The following CRADD variants were observed in gnomAD, a reference collection of about 807,000 sequenced individuals.
CRADD encodes CARD and death domain containing adaptor protein.
A neutral mutation model predicts 15.5 loss-of-function variants in CRADD; 9 were observed. The observed-to-expected ratio is 0.58, with a 90% CI of 0.35 to 1.01. The LOEUF is 1.01. Among genes scored for constraint, CRADD ranks in the 50% least tolerant of loss-of-function variants. The pLI, the probability that CRADD is intolerant of heterozygous loss-of-function variation, is 0.02. For missense variants in CRADD, 227 were observed against 250.3 expected (o/e 0.91, Z 0.63); for synonymous variants, 118 against 107.6 (o/e 1.10, Z -0.60).
At chr12:93,729,675 C>T (rs1234010512) in intron 2 of CRADD, among the ~76,000 whole-genome samples, 1 of 151,624 alleles carries the variant, frequency 6.6e-6, no homozygotes, top group African/African-American at 2.4e-5. Context: ...ATCCCAGCTA[C>T]TCGGGAGGCT....
intron 2 of CRADD, among the ~76,000 whole-genome samples, chr12:93,751,721 C>G (rs771413770): frequency 1.1e-4 from 17 of 152,108 alleles, no homozygotes; most frequent in Non-Finnish European, 2.5e-4. Context: ...AAAAATTAGC[C>G]AGGGTGGTGG....
intron 2 of CRADD, among the ~76,000 whole-genome samples, chr12:93,739,981 T>G (rs903038125): frequency 1.3e-5 from 2 of 152,134 alleles, no homozygotes; most frequent in African/African-American, 2.4e-5. Flanking sequence ...GCACCTAACT[T>G]TAGAAGACAT....
At chr12:93,680,554 A>G (rs1251375213) in intron 2 of CRADD, among the ~76,000 whole-genome samples, 1 of 152,234 alleles carries the variant, frequency 6.6e-6, no homozygotes, top group Non-Finnish European at 1.5e-5. Context: ...TTTTTGAAAT[A>G]TTAGACATAG....
At chr12:93,755,720 C>T (rs994999292) in intron 2 of CRADD, among the ~76,000 whole-genome samples, 2 of 152,222 alleles carry the variant, frequency 1.3e-5, no homozygotes, top group African/African-American at 4.8e-5. Context: ...GTAGTTTCTT[C>T]AGGTTGAGTG....
At chr12:93,770,096 C>CT (rs34791279) in intron 2 of CRADD, among the ~76,000 whole-genome samples, 5,846 of 129,932 alleles carry the variant, frequency 0.045, 396 homozygotes, top group African/African-American at 0.12. Flanking sequence ...CCTATGTTAT[C>CT]TTTTTTTTTT....
intron 2 of CRADD, among the ~76,000 whole-genome samples, chr12:93,783,253 TA>T (rs1957233186): frequency 1.4e-5 from 2 of 147,408 alleles, no homozygotes; most frequent in African/African-American, 4.9e-5. Flanking sequence ...TTATTATTAT[TA>T]TTATTATTAT....
intron 2 of CRADD, among the ~76,000 whole-genome samples, chr12:93,790,512 G>T (rs988548528): frequency 6.6e-6 from 1 of 151,756 alleles, no homozygotes; most frequent in Non-Finnish European, 1.5e-5. Context: ...CTGCATACTT[G>T]TGTGTATATT....
intron 2 of CRADD, among the ~76,000 whole-genome samples, chr12:93,741,056 G>A (rs747797776): frequency 2.2e-4 from 34 of 152,108 alleles, no homozygotes; most frequent in Non-Finnish European, 4.6e-4. Flanking sequence ...AGCACCAAAG[G>A]TGTTATGAAA....
intron 2 of CRADD, among the ~76,000 whole-genome samples, chr12:93,796,830 T>C (rs1393677530): frequency 6.6e-6 from 1 of 152,200 alleles, no homozygotes; most frequent in African/African-American, 2.4e-5. Context: ...CTGTGCTATC[T>C]ATTAGAGCTC....
In CRADD at chr12:93,700,162, T is replaced by A. The variant is rs945418395; in HGVS notation, c.298+21090T>A. ...CCAGCATGTTGCAGATGGAATGAGTTTTTCTCACTAAATCTAGGTCCTGCT... is the reference window on the plus strand; with the variant it reads ...CCAGCATGTTGCAGATGGAATGAGTATTTCTCACTAAATCTAGGTCCTGCT... On this transcript the variant is annotated intron_variant, in intron 2 of 2. Coordinates refer to ENST00000332896, the MANE Select transcript of CRADD (RefSeq NM_003805.5). Among the ~76,000 whole-genome samples the A allele has an allele frequency of 3.3e-4, 50 of 152,126 alleles. 1 individual carries two copies. Among genetic ancestry groups the A allele is most frequent in the African/African-American group, 1.2e-3 (48 of 41,426 alleles).
intron 2 of CRADD, among the ~76,000 whole-genome samples, chr12:93,722,731 T>C (rs1956286769): frequency 6.6e-6 from 1 of 152,224 alleles, no homozygotes; most frequent in Admixed American, 6.5e-5. Context: ...CCTTGCATGC[T>C]GACTATCTAT....
chr12:93,888,719 G>C (rs903547459), intron 2 of CRADD, among the ~76,000 whole-genome samples: 1 of 152,100 alleles, frequency 6.6e-6, no homozygotes, highest in African/African-American at 2.4e-5. Flanking sequence ...CAGAGATGGG[G>C]GTAGTCTAGT....
intron 2 of CRADD, among the ~76,000 whole-genome samples, chr12:93,693,821 A>G (rs1000297609): frequency 7.9e-5 from 12 of 152,084 alleles, no homozygotes; most frequent in African/African-American, 2.9e-4. Flanking sequence ...GTAATGTATA[A>G]GGATATTGAG....
In CRADD at chr12:93,738,557, C is replaced by A. The variant is rs1033741019; in HGVS notation, c.298+59485C>A. On this transcript the variant is annotated intron_variant, in intron 2 of 2. Coordinates refer to ENST00000332896, the MANE Select transcript of CRADD (RefSeq NM_003805.5). The stretch of plus-strand genomic sequence containing the variant: ...GGAAGAAACAAACTCATTCCTCACA[C>A]CTGCCTCACCCCGCTCCCACCGCCA... The A allele has an allele frequency of 2.6e-5, 18 of 688,454 alleles. No individual in the cohort carries two copies. The Admixed American group carries it at 2.7e-4, about 10-fold the overall frequency. The allele number at this position is 688,454 out of a possible 1,614,324, so 42.6% of individuals were successfully genotyped here.
chr12:93,730,469 T>G (rs976499535), intron 2 of CRADD, among the ~76,000 whole-genome samples: 4 of 152,232 alleles, frequency 2.6e-5, no homozygotes, highest in African/African-American at 9.6e-5. Flanking sequence ...GCATGATTTT[T>G]CTGGAAGGCA....
chr12:93,814,496 A>C (rs921089671), intron 2 of CRADD, among the ~76,000 whole-genome samples: 2 of 152,244 alleles, frequency 1.3e-5, no homozygotes, highest in Non-Finnish European at 2.9e-5. Context: ...ATCTGCCTTC[A>C]TCACGAATCC....
At chr12:93,839,971 C>T (rs1398633924) in intron 2 of CRADD, among the ~76,000 whole-genome samples, 1 of 152,200 alleles carries the variant, frequency 6.6e-6, no homozygotes, top group African/African-American at 2.4e-5. Context: ...CATAAAGATA[C>T]TCCTGCCTTA....
intron 2 of CRADD, among the ~76,000 whole-genome samples, chr12:93,757,996 C>T (rs1956910250): frequency 6.6e-6 from 1 of 152,168 alleles, no homozygotes; most frequent in Non-Finnish European, 1.5e-5. Context: ...AAGAAGAGGG[C>T]ACAGGACCCT....
intron 2 of CRADD, among the ~76,000 whole-genome samples, chr12:93,681,033 T>A (rs1221176848): frequency 6.6e-6 from 1 of 151,988 alleles, no homozygotes; most frequent in South Asian, 2.1e-4. Context: ...TACAGGCATG[T>A]GCCACCATGC....
Sources: gnomAD v4.1 joint callset for allele counts (sites outside exome capture counted in the v4.1 genomes callset) on GRCh38, gnomAD v4.1.1 for gene constraint, MANE v1.5 for transcripts, NCBI Gene and HGNC (gene_info 2026-07-23, HGNC 2026-07-21) for gene names.